The following STAMBP variants were observed in gnomAD, a reference collection of about 807,000 sequenced individuals.
STAMBP encodes STAM-binding protein.
Under a neutral mutation model 50.7 loss-of-function variants are expected in STAMBP, and 31 were observed. The ratio of observed to expected loss-of-function variants is 0.61; its 90% CI spans 0.46 to 0.83. STAMBP has a LOEUF of 0.83. Among genes scored for constraint, STAMBP ranks in the 40% least tolerant of loss-of-function variants. The pLI is 0.00. For synonymous variants in STAMBP, 211 were observed against 192.4 expected (o/e 1.10, Z -0.80); for missense variants, 472 against 518.9 (o/e 0.91, Z 0.88).
chr2:73,843,915 G>A (rs1440255217), intron 2 of STAMBP, among the ~76,000 whole-genome samples: 1 of 152,152 alleles, frequency 6.6e-6, no homozygotes, highest in Non-Finnish European at 1.5e-5. Flanking sequence ...TCTGTTAAAA[G>A]ACATCTTTGT....
chr2:73,843,656 A>G (rs1329882006), intron 2 of STAMBP, among the ~76,000 whole-genome samples: 2 of 152,134 alleles, frequency 1.3e-5, no homozygotes, highest in Non-Finnish European at 2.9e-5. Flanking sequence ...GAGGAGCCTT[A>G]TCAAGTTGGA....
chr2:73,852,619 A>G (rs1676973475), intron 7 of STAMBP, among the ~76,000 whole-genome samples: 1 of 152,136 alleles, frequency 6.6e-6, no homozygotes, highest in African/African-American at 2.4e-5. Context: ...GAGCAAAGAG[A>G]TGTATGAAAA....
rs1327043919 is a variant in STAMBP at position 73,863,197 on chromosome 2, A to C, written c.*938A>C. On this transcript the variant is annotated 3_prime_UTR_variant, in exon 10 of 10. Coordinates refer to ENST00000394070, the MANE Select transcript of STAMBP (RefSeq NM_213622.4). ...TGTTTGGAGTACCAGGTTACACTCCAATAAATGATTACATTTCCCAGCCAC... is the reference window on the plus strand; with the variant it reads ...TGTTTGGAGTACCAGGTTACACTCCCATAAATGATTACATTTCCCAGCCAC... The C allele has an allele frequency of 6.6e-6, 1 of 152,224 alleles. No individual in the cohort carries two copies. Among genetic ancestry groups the C allele is most frequent in the African/African-American group, 2.4e-5 (1 of 41,454 alleles). The allele number at this position is 152,224 out of a possible 1,614,324, so 9.4% of individuals were successfully genotyped here. A position where few individuals can be genotyped will look rare whatever the true frequency, so the allele number is the denominator to read the frequency against.
Position 73,860,087 on chromosome 2 carries a change from A to G in STAMBP, c.1154A>G (p.Glu385Gly), listed in dbSNP as rs1398096109. The change falls in exon 9 of 10, where the codon GAG becomes GGG. Residue 385 changes from glutamate to glycine, a missense_variant. Physicochemically the swap from Glu to Gly is moderately conservative, Grantham distance 98. Transcript: ENST00000394070. ...TTTAAACTAACTGACCATGGACTAGAGGAGATTTCTTCCTGTCGCCAGAAA... is the reference window on the plus strand; with the variant it reads ...TTTAAACTAACTGACCATGGACTAGGGGAGATTTCTTCCTGTCGCCAGAAA... ...GFFKLTDHGLEEISSCRQKGF... is the reference protein window; with the variant it reads ...GFFKLTDHGLGEISSCRQKGF... 1.2e-6 allele frequency: 2 copies of G among 1,613,894 alleles called. No homozygotes were observed. Among genetic ancestry groups the G allele is most frequent in the Non-Finnish European group, 1.7e-6 (2 of 1,179,996 alleles).
chr2:73,829,650 C>T (rs1198803492), intron 1 of STAMBP, 140 bp downstream of exon 1: 1 of 152,190 alleles, frequency 6.6e-6, no homozygotes, highest in African/African-American at 2.4e-5. Flanking sequence ...GATGGACTAT[C>T]TCTGCATCCC....
At chr2:73,838,232 G>A (rs1674965919) in intron 2 of STAMBP, among the ~76,000 whole-genome samples, 1 of 152,192 alleles carries the variant, frequency 6.6e-6, no homozygotes. Flanking sequence ...TGCTGTGTCT[G>A]TGACTACCTC....
chr2:73,834,163 A>G (rs572847701), intron 2 of STAMBP, among the ~76,000 whole-genome samples: 1 of 140,850 alleles, frequency 7.1e-6, no homozygotes, highest in South Asian at 2.5e-4. Flanking sequence ...GTGAGCCGAG[A>G]TCACGCCACT....
rs182040645 is a variant in STAMBP, at chr2:73,847,898, G to C, written c.742+145G>C. ...CATCTGATAAGTATTGCTGTACTGT[G>C]TCCTAATACACTGGCTATGTTATAA... On this transcript the variant is annotated intron_variant, in intron 5 of 9. Transcript: ENST00000394070. 3.8e-3 allele frequency: 4,140 copies of C among 1,082,196 alleles called. 18 individuals carry two copies. The highest frequency in any genetic ancestry group is 4.7e-3 in the Non-Finnish European group (3,555 of 762,660). 67.0% of individuals were successfully genotyped at this position (1,082,196 alleles called of 1,614,324 possible).
intron 7 of STAMBP, among the ~76,000 whole-genome samples, chr2:73,853,820 A>G (rs1430218857): frequency 6.6e-6 from 1 of 152,240 alleles, no homozygotes; most frequent in Admixed American, 6.5e-5. Context: ...TGTCAGGAGC[A>G]TGCATGCCCT....
In STAMBP at chr2:73,850,597, C is replaced by T; in HGVS notation, c.1005+84C>T. On this transcript the variant is annotated intron_variant, in intron 7 of 9. Coordinates refer to ENST00000394070, the MANE Select transcript of STAMBP (RefSeq NM_213622.4). The surrounding 1 kb of genome is among the most constrained non-coding windows in gnomAD (Gnocchi z 4.3). ...ACATGAGTGTTTCTTTGAACAAAGT[C>T]AATTATATCCAGATTATTTATTGTT... The T allele has an allele frequency of 7.3e-7, 1 of 1,375,650 alleles. No individual in the cohort carries two copies. Among genetic ancestry groups the T allele is most frequent in the Non-Finnish European group, 9.8e-7 (1 of 1,024,398 alleles). 85.2% of individuals were successfully genotyped at this position (1,375,650 alleles called of 1,614,324 possible).
In STAMBP at chr2:73,850,501, G is replaced by A; in HGVS notation, c.993G>A (p.Leu331=). Residue 331 remains leucine, a synonymous_variant, in exon 7 of 10, where the codon CTG becomes CTA. Transcript: ENST00000394070. The surrounding 1 kb of genome is among the most constrained non-coding windows in gnomAD (Gnocchi z 4.3). ...LIQDQQGLIT[L]GWIHTHPTQT... is the part of the protein sequence containing the mutation. Reference sequence around the variant, plus strand: ...AGGATCAGCAGGGCCTCATCACACTGGGCTGGATTCATGTAAGCAATTCTG... The same window carrying A: ...AGGATCAGCAGGGCCTCATCACACTAGGCTGGATTCATGTAAGCAATTCTG... 1 of 1,613,216 alleles carries A rather than the reference G, an allele frequency of 6.2e-7. No homozygotes were observed. The highest frequency in any genetic ancestry group is 8.5e-7 in the Non-Finnish European group (1 of 1,179,636).
At chr2:73,849,806 G>C (rs1036312849) in intron 6 of STAMBP, among the ~76,000 whole-genome samples, 4 of 152,142 alleles carry the variant, frequency 2.6e-5, no homozygotes, top group African/African-American at 7.2e-5. Flanking sequence ...AAAGCACATA[G>C]TATGTGTCCA....
intron 2 of STAMBP, among the ~76,000 whole-genome samples, chr2:73,831,656 G>C (rs896242438): frequency 2.1e-5 from 3 of 143,682 alleles, no homozygotes; most frequent in African/African-American, 7.4e-5. Context: ...CATTGACAAT[G>C]ATACATAATT....
chr2:73,838,836 A>G (rs181506191), intron 2 of STAMBP, among the ~76,000 whole-genome samples: 62 of 152,342 alleles, frequency 4.1e-4, no homozygotes, highest in African/African-American at 1.5e-3. Context: ...CCTTACCTGA[A>G]GTAATTAATG....
chr2:73,868,013 A>G (rs545767630), downstream of STAMBP, among the ~76,000 whole-genome samples: 1 of 152,112 alleles, frequency 6.6e-6, no homozygotes, highest in South Asian at 2.1e-4. Flanking sequence ...AATCCCAGCT[A>G]CTTGGGAGGC....
At chr2:73,833,620 C>T (rs533318867) in intron 2 of STAMBP, among the ~76,000 whole-genome samples, 2 of 152,248 alleles carry the variant, frequency 1.3e-5, no homozygotes, top group Admixed American at 6.5e-5. Context: ...TCAGAAAGTT[C>T]AGTAGAATCA....
At chr2:73,855,689 G>A (rs1302318950) in intron 7 of STAMBP, 1 of 456,110 alleles carries the variant, frequency 2.2e-6, no homozygotes, top group South Asian at 1.5e-5. Context: ...TTTGCTGCCT[G>A]CACTGAGCTA....
intron 5 of STAMBP, 73 bp from the exon 6 acceptor site, chr2:73,849,290 G>GCTGCTGGCTGTGAGGT: frequency 6.2e-7 from 1 of 1,608,344 alleles, no homozygotes; most frequent in Non-Finnish European, 8.5e-7. Flanking sequence ...CTCCTCCAGG[G>GCTGCTGGCTGTGAGGT]CTGCTGGCTG....
intron 7 of STAMBP, among the ~76,000 whole-genome samples, chr2:73,857,438 T>C (rs1434430236): frequency 1.3e-5 from 2 of 152,156 alleles, no homozygotes; most frequent in Non-Finnish European, 2.9e-5. Flanking sequence ...CCCTGAGTGC[T>C]CAAGCTGCCT....
Sources: allele counts gnomAD v4.1 joint callset (sites outside exome capture counted in the v4.1 genomes callset), GRCh38; gene constraint gnomAD v4.1.1; non-coding constraint Gnocchi (gnomAD v3.1); transcripts MANE v1.5; gene names NCBI Gene and HGNC (gene_info 2026-07-23, HGNC 2026-07-21).